Variants in MGAT1 observed in about 807,000 individuals in gnomAD.
MGAT1 encodes the protein N-glycosyl-oligosaccharide-glycoprotein N-acetylglucosaminyltransferase I.
Under a neutral mutation model 31.7 loss-of-function variants are expected in MGAT1, and 14 were observed. The ratio of observed to expected loss-of-function variants is 0.44; its 90% CI spans 0.29 to 0.69. The LOEUF is 0.69. MGAT1 is among the 30% of genes least tolerant of loss of function. The pLI is 0.12. For synonymous variants in MGAT1, 338 were observed against 276.0 expected (o/e 1.22, Z -2.23); for missense variants, 557 against 626.0 (o/e 0.89, Z 1.18).
At position 180,790,820 on chromosome 5, in the gene MGAT1, A is replaced by C. The variant is rs997443132; in HGVS notation, c.*814T>G. ...CCCCAGGGGAAAAAGGGACAGGCAG[A>C]TCGAATTCTGTCTTCTACCAAGCCA... On this transcript the variant is annotated 3_prime_UTR_variant, in exon 2 of 2. Transcript: ENST00000307826. 6.6e-6 allele frequency: 1 copy of C among 152,278 alleles called. No individual in the cohort carries two copies. 9.4% of individuals were successfully genotyped at this position (152,278 alleles called of 1,614,324 possible). A position where few individuals can be genotyped will look rare whatever the true frequency, so the allele number is the denominator to read the frequency against.
upstream of MGAT1, among the ~76,000 whole-genome samples, chr5:180,806,729 G>A (rs144936543): frequency 6.6e-6 from 1 of 152,338 alleles, no homozygotes; most frequent in African/African-American, 2.4e-5. Context: ...ACAAAGTGGT[G>A]AGGGAAAACA....
chr5:180,793,028 G>A lies in MGAT1; in HGVS notation c.-57C>T, dbSNP rs1768579968. 7.5e-6 allele frequency: 12 copies of A among 1,597,636 alleles called. No homozygotes were observed. In the South Asian group the frequency reaches 9.0e-5, roughly 12 times the overall value. ...GACGGTTCAAGGCTGCCCTGGGCTT[G>A]CCCGGCTCCCTTGCCCGCAGTCCTA... is the stretch of plus-strand genomic sequence containing the variant. On this transcript the variant is annotated 5_prime_UTR_variant, in exon 2 of 2. Coordinates refer to ENST00000307826, the MANE Select transcript of MGAT1 (RefSeq NM_002406.4).
rs1422066385 is a variant in MGAT1, at chr5:180,785,875, C to T, written c.*5759G>A. 1 of 152,320 alleles carries T rather than the reference C, an allele frequency of 6.6e-6. No individual in the cohort carries two copies. Among genetic ancestry groups the T allele is most frequent in the African/African-American group, 2.4e-5 (1 of 41,470 alleles). The allele number at this position is 152,320 out of a possible 1,614,324, so 9.4% of individuals were successfully genotyped here. A position where few individuals can be genotyped will look rare whatever the true frequency, so the allele number is the denominator to read the frequency against. The stretch of plus-strand genomic sequence containing the variant: ...GCTGCCTGTCTCTAGCCATCTTCCT[C>T]TTCTTACAGCTGTGCTGAGACGTTT... On this transcript the variant is annotated 3_prime_UTR_variant, in exon 2 of 2. Coordinates refer to ENST00000307826, the MANE Select transcript of MGAT1 (RefSeq NM_002406.4).
At position 180,791,891 on chromosome 5, in the gene MGAT1, G is replaced by C. The variant is rs773388886; in HGVS notation, c.1081C>G (p.Arg361Gly). 5.6e-6 allele frequency: 9 copies of C among 1,614,196 alleles called. No individual in the cohort carries two copies. Among genetic ancestry groups the C allele is most frequent in the East Asian group, 4.5e-5 (2 of 44,882 alleles). ...TGCAGCTGGGGAGCACCGTAGACGC[G>C]GGCGAGGAAATCTCGGTCATAGGCC... is the stretch of plus-strand genomic sequence containing the variant. ...REAYDRDFLA[R>G]VYGAPQLQVE... The change falls in exon 2 of 2, where the codon CGC becomes GGC. Residue 361 changes from arginine (R) to glycine (G), a missense_variant. Physicochemically the swap from Arg to Gly is moderately radical, Grantham distance 125. Coordinates refer to ENST00000307826, the MANE Select transcript of MGAT1 (RefSeq NM_002406.4).
At position 180,789,307 on chromosome 5, in the gene MGAT1, A is replaced by C. The variant is rs1013360392; in HGVS notation, c.*2327T>G. The C allele has an allele frequency of 1.3e-5, 2 of 152,110 alleles. No individual in the cohort carries two copies. Among genetic ancestry groups the C allele is most frequent in the African/African-American group, 4.8e-5 (2 of 41,376 alleles). 9.4% of individuals were successfully genotyped at this position (152,110 alleles called of 1,614,324 possible). A position where few individuals can be genotyped will look rare whatever the true frequency, so the allele number is the denominator to read the frequency against. The stretch of plus-strand genomic sequence containing the variant: ...TTTGGTTTGTTTTGTTTTGAGACGC[A>C]GTTTCGCTCTTACCGCCCAGGCTGG... On this transcript the variant is annotated 3_prime_UTR_variant, in exon 2 of 2. Coordinates refer to ENST00000307826, the MANE Select transcript of MGAT1 (RefSeq NM_002406.4).
At chr5:180,800,837 T>A (rs866033692) in intron 1 of MGAT1, among the ~76,000 whole-genome samples, 70 of 152,198 alleles carry the variant, frequency 4.6e-4, no homozygotes, top group African/African-American at 1.6e-3. Flanking sequence ...CCTTCCTTTT[T>A]AAATAGAACA....
rs1344181836 is a variant in MGAT1, at chr5:180,785,269, A to G, written c.*6365T>C. 6.6e-6 allele frequency: 1 copy of G among 152,254 alleles called. No homozygotes were observed. Among genetic ancestry groups the G allele is most frequent in the African/African-American group, 2.4e-5 (1 of 41,460 alleles). The allele number at this position is 152,254 out of a possible 1,614,324, so 9.4% of individuals were successfully genotyped here. A position where few individuals can be genotyped will look rare whatever the true frequency, so the allele number is the denominator to read the frequency against. ...TAAAATCTTCCACCGTTTCAAGGACAGAACACAGTATCCGAGAGTTCTGGT... is the reference window on the plus strand; with the variant it reads ...TAAAATCTTCCACCGTTTCAAGGACGGAACACAGTATCCGAGAGTTCTGGT... On this transcript the variant is annotated 3_prime_UTR_variant, in exon 2 of 2. Transcript: ENST00000307826.
intron 1 of MGAT1, among the ~76,000 whole-genome samples, 181 bp downstream of exon 1, chr5:180,802,499 C>T (rs1324360344): frequency 6.6e-6 from 1 of 152,208 alleles, no homozygotes; most frequent in Non-Finnish European, 1.5e-5. Flanking sequence ...AACCTCTCGG[C>T]TCGGGAAGGG....
At chr5:180,808,148 G>A (rs1286613643) in intron 2 of MGAT1, among the ~76,000 whole-genome samples, 6 of 152,096 alleles carry the variant, frequency 3.9e-5, no homozygotes, top group Non-Finnish European at 7.4e-5. Context: ...CTCTTTTCCC[G>A]AGCTTTCATG....
Position 180,788,269 on chromosome 5 carries a change from G to A in MGAT1, c.*3365C>T, listed in dbSNP as rs1012970803. 3.9e-5 allele frequency: 6 copies of A among 152,368 alleles called. No individual in the cohort carries two copies. Among genetic ancestry groups the A allele is most frequent in the African/African-American group, 1.4e-4 (6 of 41,438 alleles). The allele number at this position is 152,368 out of a possible 1,614,324, so 9.4% of individuals were successfully genotyped here. On this transcript the variant is annotated 3_prime_UTR_variant, in exon 2 of 2. Transcript: ENST00000307826. ...GGTGCTCCTTGCTTCAGGAGCCTGAGAACCCAGTCTTTCGTCTTGTAAGGG... is the reference window on the plus strand; with the variant it reads ...GGTGCTCCTTGCTTCAGGAGCCTGAAAACCCAGTCTTTCGTCTTGTAAGGG...
intron 1 of MGAT1, among the ~76,000 whole-genome samples, chr5:180,814,920 G>A (rs1437749242): frequency 1.3e-5 from 2 of 148,458 alleles, no homozygotes; most frequent in Non-Finnish European, 3.0e-5. Context: ...CAGCCTAGGC[G>A]ACAGAGTGAG....
At position 180,791,460 on chromosome 5, in the gene MGAT1, G is replaced by C; in HGVS notation, c.*174C>G. The C allele has an allele frequency of 1.3e-6, 1 of 785,806 alleles. No individual in the cohort carries two copies. The highest frequency in any genetic ancestry group is 2.0e-6 in the Non-Finnish European group (1 of 492,592). The allele number at this position is 785,806 out of a possible 1,614,324, so 48.7% of individuals were successfully genotyped here. A position where few individuals can be genotyped will look rare whatever the true frequency, so the allele number is the denominator to read the frequency against. On this transcript the variant is annotated 3_prime_UTR_variant, in exon 2 of 2. Transcript: ENST00000307826. ...AGTTCCCCTGATCTGACTCCCTTGA[G>C]AACGGGAGAATAATCCTCTTGTTAT...
At chr5:180,803,074 C>T (rs1467733858), upstream of MGAT1, among the ~76,000 whole-genome samples, 2 of 152,224 alleles carry the variant, frequency 1.3e-5, no homozygotes, top group African/African-American at 4.8e-5. Context: ...GACCCCACCC[C>T]TGCCCTCGGC....
Position 180,795,340 on chromosome 5 carries a change from C to T in MGAT1, c.-126-2243G>A, listed in dbSNP as rs141071161. Reference sequence around the variant, plus strand: ...ATGTCAAAACTTATCAAATTGTACACTTTATATGCAGTTCTTTGCACATAT... The same window carrying T: ...ATGTCAAAACTTATCAAATTGTACATTTTATATGCAGTTCTTTGCACATAT... On this transcript the variant is annotated intron_variant, in intron 1 of 1. Transcript: ENST00000307826. 2.1e-3 allele frequency: 320 copies of T among 151,882 alleles called. 2 individuals are homozygous for T. The highest frequency in any genetic ancestry group is 7.4e-3 in the African/African-American group (307 of 41,320). The allele number at this position is 151,882 out of a possible 1,614,324, so 9.4% of individuals were successfully genotyped here.
Position 180,789,753 on chromosome 5 carries a change from G to C in MGAT1, c.*1881C>G, listed in dbSNP as rs570763323. On this transcript the variant is annotated 3_prime_UTR_variant, in exon 2 of 2. Coordinates refer to ENST00000307826, the MANE Select transcript of MGAT1 (RefSeq NM_002406.4). Reference sequence around the variant, plus strand: ...AGTGATTCTCCAGCCTCAGCTTCCTGAGTAGCTGGGATTACAGGTGTGTGC... The same window carrying C: ...AGTGATTCTCCAGCCTCAGCTTCCTCAGTAGCTGGGATTACAGGTGTGTGC... The C allele has an allele frequency of 6.6e-6, 1 of 152,302 alleles. No individual in the cohort carries two copies. The highest frequency in any genetic ancestry group is 6.5e-5 in the Admixed American group (1 of 15,276). 9.4% of individuals were successfully genotyped at this position (152,302 alleles called of 1,614,324 possible). A position where few individuals can be genotyped will look rare whatever the true frequency, so the allele number is the denominator to read the frequency against.
At position 180,790,142 on chromosome 5, in the gene MGAT1, A is replaced by T. The variant is rs1345052909; in HGVS notation, c.*1492T>A. Reference sequence around the variant, plus strand: ...CCCCGGCACGTCATAAAGGGCACTCAATAAGCACTGCCTGGGCCAGCAGAG... The same window carrying T: ...CCCCGGCACGTCATAAAGGGCACTCTATAAGCACTGCCTGGGCCAGCAGAG... On this transcript the variant is annotated 3_prime_UTR_variant, in exon 2 of 2. Coordinates refer to ENST00000307826, the MANE Select transcript of MGAT1 (RefSeq NM_002406.4). 1 of 152,336 alleles carries T rather than the reference A, an allele frequency of 6.6e-6. No homozygotes were observed. Among genetic ancestry groups the T allele is most frequent in the Non-Finnish European group, 1.5e-5 (1 of 68,158 alleles). The allele number at this position is 152,336 out of a possible 1,614,324, so 9.4% of individuals were successfully genotyped here.
chr5:180,807,402 G>A (rs957844970), upstream of MGAT1, among the ~76,000 whole-genome samples: 4 of 152,238 alleles, frequency 2.6e-5, no homozygotes, highest in Non-Finnish European at 5.9e-5. Flanking sequence ...AATTGAAGGA[G>A]GGAGCAGACA....
chr5:180,785,041 A>G lies in MGAT1; in HGVS notation c.*6593T>C, dbSNP rs1196143151. 1 of 152,238 alleles carries G rather than the reference A, an allele frequency of 6.6e-6. No homozygotes were observed. The highest frequency in any genetic ancestry group is 1.5e-5 in the Non-Finnish European group (1 of 68,046). The allele number at this position is 152,238 out of a possible 1,614,324, so 9.4% of individuals were successfully genotyped here. A position where few individuals can be genotyped will look rare whatever the true frequency, so the allele number is the denominator to read the frequency against. On this transcript the variant is annotated 3_prime_UTR_variant, in exon 2 of 2. Transcript: ENST00000307826. ...CCCTGTGAGTTTGAATATTTTCATA[A>G]TAAAAACTTGAAAAACAGAATATAA... is the stretch of plus-strand genomic sequence containing the variant.
rs1047450296 is a variant in MGAT1 at position 180,787,440 on chromosome 5, T to G, written c.*4194A>C. 1 of 152,250 alleles carries G rather than the reference T, an allele frequency of 6.6e-6. No homozygotes were observed. The highest frequency in any genetic ancestry group is 2.4e-5 in the African/African-American group (1 of 41,458). 9.4% of individuals were successfully genotyped at this position (152,250 alleles called of 1,614,324 possible). ...ATATTTCAGAAAGAGGGCAAGCTTC[T>G]GTTCTATACATTTGTATGTTATTTA... is the stretch of plus-strand genomic sequence containing the variant. On this transcript the variant is annotated 3_prime_UTR_variant, in exon 2 of 2. Transcript: ENST00000307826.
Sources: allele counts gnomAD v4.1 joint callset (sites outside exome capture counted in the v4.1 genomes callset), GRCh38; gene constraint gnomAD v4.1.1; transcripts MANE v1.5; gene names NCBI Gene and HGNC (gene_info 2026-07-23, HGNC 2026-07-21).